The following PIEZO2 variants were observed in gnomAD, a reference collection of about 807,000 sequenced individuals.
PIEZO2 encodes the protein piezo type mechanosensitive ion channel component 2, also known as piezo-type mechanosensitive ion channel component 2.
In PIEZO2, 172 loss-of-function variants were observed where a neutral mutation model predicts 337.3. That is an observed-to-expected ratio of 0.51 (90% CI 0.45 to 0.58). The LOEUF (loss-of-function observed/expected upper bound fraction) is 0.58, where lower values mean the gene tolerates loss of function less well. Ranked by LOEUF, PIEZO2 falls within the 20% of genes least tolerant of loss-of-function variation. PIEZO2 has a pLI of 0.00. For missense variants in PIEZO2, 3,028 were observed against 3,391.3 expected (o/e 0.89, Z 2.66); for synonymous variants, 1,251 against 1,228.5 (o/e 1.02, Z -0.38).
chr18:10,780,669 C>CTTTT (rs11392739), intron 17 of PIEZO2, among the ~76,000 whole-genome samples: 5 of 131,358 alleles, frequency 3.8e-5, no homozygotes, highest in Non-Finnish European at 7.8e-5. Context: ...TTTAAGGTAC[C>CTTTT]TTTTTTTTTT....
Position 11,083,906 on chromosome 18 carries a change from G to T in PIEZO2, c.65-17684C>A. On this transcript the variant is annotated intron_variant, in intron 1 of 55. Coordinates refer to ENST00000674853, the MANE Select transcript of PIEZO2 (RefSeq NM_001378183.1). This position sits in a 1 kb window ranked among gnomAD's most constrained non-coding sequence, Gnocchi z 4.4. Reference sequence around the variant, plus strand: ...AAGAGAAAGGAGAGGGCCGGGAGTGGGGGCTCATGCCTGTTATCCCAGCAC... The same window carrying T: ...AAGAGAAAGGAGAGGGCCGGGAGTGTGGGCTCATGCCTGTTATCCCAGCAC... Among the ~76,000 whole-genome samples the T allele has an allele frequency of 6.6e-6, 1 of 151,932 alleles. No homozygotes were observed. Among genetic ancestry groups the T allele is most frequent in the Non-Finnish European group, 1.5e-5 (1 of 67,992 alleles).
chr18:10,788,942 T>G (rs550701879), intron 15 of PIEZO2, 137 bp downstream of exon 15: 2 of 1,049,994 alleles, frequency 1.9e-6, no homozygotes, highest in East Asian at 5.3e-5. Context: ...TTAGGATTCT[T>G]GGGATACGAT....
Position 10,859,423 on chromosome 18 carries a change from C to A in PIEZO2, c.493-2212G>T, listed in dbSNP as rs547120480. Among the ~76,000 whole-genome samples the A allele has an allele frequency of 6.6e-6, 1 of 152,200 alleles. No homozygotes were observed. The highest frequency in any genetic ancestry group is 1.5e-5 in the Non-Finnish European group (1 of 68,036). On this transcript the variant is annotated intron_variant, in intron 5 of 55. Transcript: ENST00000674853. The surrounding 1 kb of genome is among the most constrained non-coding windows in gnomAD (Gnocchi z 4.9). The stretch of plus-strand genomic sequence containing the variant: ...TCACCTGCAGCTGGCCTGCCACGCA[C>A]GCACTCTGCCCTCCTCCTGTAACAA...
intron 2 of PIEZO2, among the ~76,000 whole-genome samples, chr18:11,045,038 G>A (rs1428784517): frequency 6.6e-6 from 1 of 151,986 alleles, no homozygotes. Context: ...GCTCATGCCT[G>A]TAATCTCAGC....
At position 10,903,395 on chromosome 18, in the gene PIEZO2, C is replaced by T. The variant is rs910378385; in HGVS notation, c.329+7791G>A. Among the ~76,000 whole-genome samples, 3 of 152,132 alleles carry T rather than the reference C, an allele frequency of 2.0e-5. No individual in the cohort carries two copies. The highest frequency in any genetic ancestry group is 2.9e-5 in the Non-Finnish European group (2 of 68,036). On this transcript the variant is annotated intron_variant, in intron 4 of 55. Transcript: ENST00000674853. The surrounding 1 kb of genome is among the most constrained non-coding windows in gnomAD (Gnocchi z 4.1). The stretch of plus-strand genomic sequence containing the variant: ...ACTGAATAAGATTCAAGGCCAGGCA[C>T]GGTGGCTCACGCCTGTAATCCCAGC...
chr18:11,018,750 A>G (rs569282761), intron 2 of PIEZO2, among the ~76,000 whole-genome samples: 101 of 152,094 alleles, frequency 6.6e-4, no homozygotes, highest in Middle Eastern at 3.4e-3. Flanking sequence ...TCCTTTTGGA[A>G]CCCCATGAAG....
intron 3 of PIEZO2, among the ~76,000 whole-genome samples, chr18:10,935,804 T>A (rs1054909881): frequency 1.3e-5 from 2 of 152,196 alleles, no homozygotes; most frequent in Admixed American, 6.5e-5. Flanking sequence ...CCCCTGCTCC[T>A]GCCTCGCCAG....
rs144279701 is a variant in PIEZO2 at position 11,001,013 on chromosome 18, C to A, written c.161-21353G>T. On this transcript the variant is annotated intron_variant, in intron 2 of 55. Transcript: ENST00000674853. This position sits in a 1 kb window ranked among gnomAD's most constrained non-coding sequence, Gnocchi z 5.3. ...AGACATGAGTGTTACCTGGGCAAGA[C>A]AGCTTCCTACAGTTAAAGGCAATTA... 3.9e-5 allele frequency among the ~76,000 whole-genome samples: 6 copies of A among 152,306 alleles called. No individual in the cohort carries two copies. In the East Asian group the frequency reaches 1.2e-3, roughly 29 times the overall value.
At chr18:10,926,085 G>C (rs992590236) in intron 3 of PIEZO2, among the ~76,000 whole-genome samples, 3 of 152,150 alleles carry the variant, frequency 2.0e-5, no homozygotes, top group African/African-American at 7.2e-5. Context: ...TGCATTCCAG[G>C]GGAGAGCACT....
rs1325352328 is a variant in PIEZO2 at position 11,148,634 on chromosome 18, C to T, written c.-46G>A. ...GAGCAGAGGGGCGAGGCTCGAGGGT[C>T]CCTAGGGGTGGTGGGACGCAAGGCC... On this transcript the variant is annotated 5_prime_UTR_variant, in exon 1 of 56. Coordinates refer to ENST00000674853, the MANE Select transcript of PIEZO2 (RefSeq NM_001378183.1). This position sits in a 1 kb window ranked among gnomAD's most constrained non-coding sequence, Gnocchi z 5.2. The T allele has an allele frequency of 6.5e-7, 1 of 1,532,658 alleles. No homozygotes were observed. The highest frequency in any genetic ancestry group is 2.4e-5 in the East Asian group (1 of 40,846). 94.9% of individuals were successfully genotyped at this position (1,532,658 alleles called of 1,614,324 possible). A position where few individuals can be genotyped will look rare whatever the true frequency, so the allele number is the denominator to read the frequency against.
chr18:10,827,414 C>T (rs891047346), intron 7 of PIEZO2, among the ~76,000 whole-genome samples: 6 of 152,096 alleles, frequency 3.9e-5, no homozygotes, highest in Non-Finnish European at 8.8e-5. Flanking sequence ...ACAGAACTAA[C>T]ACTTTTTAAA....
chr18:10,887,112 C>A (rs2042630640), intron 4 of PIEZO2, among the ~76,000 whole-genome samples: 1 of 132,446 alleles, frequency 7.6e-6, no homozygotes, highest in Admixed American at 8.9e-5. Context: ...CTGTGTTGAC[C>A]AGACTGGAGT....
chr18:10,788,986 A>G (rs1255145732), intron 15 of PIEZO2, 93 bp downstream of exon 15: 10 of 1,328,748 alleles, frequency 7.5e-6, no homozygotes, highest in Admixed American at 5.6e-5. Flanking sequence ...ATCCATGTTC[A>G]TGAGATTCTA....
At chr18:10,917,814 T>A (rs1333103946) in intron 3 of PIEZO2, among the ~76,000 whole-genome samples, 2 of 152,182 alleles carry the variant, frequency 1.3e-5, no homozygotes, top group African/African-American at 2.4e-5. Flanking sequence ...ACATGTGGCC[T>A]GGCACAGAAA....
At chr18:11,071,288 G>A (rs8090173) in intron 1 of PIEZO2, among the ~76,000 whole-genome samples, 97,497 of 152,028 alleles carry the variant, frequency 0.64, 32,071 homozygotes, top group East Asian at 0.97. Context: ...ACACAAGCTC[G>A]GATTCTCTTT....
chr18:10,836,634 A>C (rs978413909), intron 7 of PIEZO2, among the ~76,000 whole-genome samples: 5 of 152,236 alleles, frequency 3.3e-5, no homozygotes, highest in African/African-American at 1.2e-4. Context: ...GTCCTATAAT[A>C]GTTGGTCAAG....
chr18:11,139,434 G>A (rs1232376935), intron 1 of PIEZO2, among the ~76,000 whole-genome samples: 7 of 152,142 alleles, frequency 4.6e-5, no homozygotes, highest in Admixed American at 3.9e-4. Context: ...TACTTTCTGT[G>A]TTGGAAGTCA....
intron 2 of PIEZO2, among the ~76,000 whole-genome samples, chr18:11,029,494 G>A (rs1477837610): frequency 6.6e-6 from 1 of 152,084 alleles, no homozygotes; most frequent in Non-Finnish European, 1.5e-5. Flanking sequence ...GCTCCCTCCT[G>A]CTACTCAGGC....
chr18:10,686,806 A>T (rs1448143857), intron 49 of PIEZO2, among the ~76,000 whole-genome samples: 5 of 152,126 alleles, frequency 3.3e-5, no homozygotes, highest in Admixed American at 6.5e-5. Flanking sequence ...GGTGGAGAGG[A>T]TGTTTCAGAC....
Sources: gnomAD v4.1 joint callset for allele counts (sites outside exome capture counted in the v4.1 genomes callset) on GRCh38, gnomAD v4.1.1 for gene constraint, Gnocchi (gnomAD v3.1) non-coding constraint, MANE v1.5 for transcripts, NCBI Gene and HGNC (gene_info 2026-07-23, HGNC 2026-07-21) for gene names.